Variants in ZFAT observed in about 807,000 individuals in gnomAD.
The protein encoded by ZFAT is zinc finger and AT-hook domain containing.
A neutral mutation model predicts 117.7 loss-of-function variants in ZFAT; 64 were observed. The observed-to-expected ratio is 0.54, with a 90% CI of 0.44 to 0.67. ZFAT has a LOEUF of 0.67. Ranked by LOEUF, ZFAT falls within the 30% of genes least tolerant of loss-of-function variation. The probability of loss-of-function intolerance (pLI) is 0.00; values close to 1 mark genes in which losing one functional copy is unlikely to be tolerated. For synonymous variants in ZFAT, 679 were observed against 615.0 expected, an observed-to-expected ratio of 1.10 and a Z score of -1.54; for missense variants, 1,433 against 1,584.5, an observed-to-expected ratio of 0.90 and a Z score of 1.62.
the ZFAT span, among the ~76,000 whole-genome samples, chr8:134,746,742 C>G: frequency 6.6e-6 from 1 of 152,170 alleles, no homozygotes; most frequent in African/African-American, 2.4e-5. Flanking sequence ...AGCCAGATAT[C>G]AATCAAGTGT....
At chr8:134,648,240 GCCTACCCTTT>G (rs904582414) in intron 2 of ZFAT, among the ~76,000 whole-genome samples, 5 of 150,538 alleles carry the variant, frequency 3.3e-5, no homozygotes, top group African/African-American at 1.2e-4. Flanking sequence ...CAAATCAATA[GCCTACCCTTT>G]CCAACCTAAG....
At chr8:134,831,761 G>A in the ZFAT span, among the ~76,000 whole-genome samples, 10 of 151,112 alleles carry the variant, frequency 6.6e-5, no homozygotes, top group South Asian at 2.1e-3. Flanking sequence ...GGGCCGCACC[G>A]CAGCGCCCAC....
the ZFAT span, among the ~76,000 whole-genome samples, chr8:134,789,223 A>C: frequency 2.0e-5 from 3 of 152,212 alleles, no homozygotes; most frequent in African/African-American, 7.2e-5. Context: ...AGTCTAAAAA[A>C]AGTAATCTTA....
intron 11 of ZFAT, among the ~76,000 whole-genome samples, chr8:134,555,053 AT>A (rs1663450755): frequency 6.6e-6 from 1 of 152,212 alleles, no homozygotes; most frequent in South Asian, 2.1e-4. Flanking sequence ...CATGGCTACA[AT>A]TTATTATAGT....
chr8:134,504,572 T>C (rs1389389977), intron 15 of ZFAT, among the ~76,000 whole-genome samples: 2 of 152,174 alleles, frequency 1.3e-5, no homozygotes, highest in African/African-American at 2.4e-5. Context: ...GAATGCTCAG[T>C]GCAGGTTCAC....
chr8:134,710,074 A>C (rs1394725428), intron 1 of ZFAT, among the ~76,000 whole-genome samples: 9 of 152,260 alleles, frequency 5.9e-5, no homozygotes, highest in Non-Finnish European at 2.9e-5. Flanking sequence ...AAATTGAAGG[A>C]AACTTCAACA....
intron 9 of ZFAT, 23 bp from the exon 10 acceptor site, chr8:134,584,028 A>C: frequency 3.2e-6 from 5 of 1,547,324 alleles, no homozygotes; most frequent in Non-Finnish European, 4.4e-6. Context: ...AAATGTATAT[A>C]TCTCTATATA....
chr8:134,674,817 G>A, intron 1 of ZFAT: 1 of 293,438 alleles, frequency 3.4e-6, no homozygotes. Flanking sequence ...AATCTTTGTT[G>A]TTCTGCAGCC....
At chr8:134,787,741 A>G in the ZFAT span, among the ~76,000 whole-genome samples, 2 of 152,186 alleles carry the variant, frequency 1.3e-5, no homozygotes, top group African/African-American at 4.8e-5. Context: ...TATTGAAGTT[A>G]CAGATTAATT....
At chr8:134,588,519 C>T in intron 8 of ZFAT, 124 bp from the exon 9 acceptor site, 1 of 1,072,706 alleles carries the variant, frequency 9.3e-7, no homozygotes, top group Non-Finnish European at 1.3e-6. Flanking sequence ...TGTCCAGAGA[C>T]AGGATTTTCA....
At chr8:134,689,848 A>C (rs1337331958) in intron 1 of ZFAT, among the ~76,000 whole-genome samples, 1 of 152,254 alleles carries the variant, frequency 6.6e-6, no homozygotes, top group Non-Finnish European at 1.5e-5. Context: ...AAGAGGCTGG[A>C]TGCTTTGTCC....
the ZFAT span, among the ~76,000 whole-genome samples, chr8:134,827,725 G>A: frequency 7.4e-5 from 11 of 147,654 alleles, no homozygotes; most frequent in Non-Finnish European, 1.3e-4. Flanking sequence ...CCAAAATCGC[G>A]CCACTGCACT....
At position 134,678,253 on chromosome 8, in the gene ZFAT, G is replaced by A. The variant is rs568397277; in HGVS notation, c.20-20516C>T. Among the ~76,000 whole-genome samples the A allele has an allele frequency of 2.7e-3, 407 of 152,272 alleles. 3 individuals carry two copies. Among genetic ancestry groups the A allele is most frequent in the African/African-American group, 9.5e-3 (394 of 41,542 alleles). On this transcript the variant is annotated intron_variant, in intron 1 of 15. Coordinates refer to ENST00000377838, the MANE Select transcript of ZFAT (RefSeq NM_020863.4). ...GATAAGCAACTTCAGCAAAGTCTCA[G>A]GATATAAAATCAACGTGCAAAAATC...
At chr8:134,710,673 G>A (rs1813959656) in intron 1 of ZFAT, among the ~76,000 whole-genome samples, 1 of 152,152 alleles carries the variant, frequency 6.6e-6, no homozygotes, top group South Asian at 2.1e-4. Context: ...TGGGACCCAA[G>A]TCTAAACATG....
chr8:134,784,955 A>G, the ZFAT span: 1 of 152,234 alleles, frequency 6.6e-6, no homozygotes, highest in Admixed American at 6.5e-5. Flanking sequence ...ACAAGCTTTA[A>G]GTGTTCTGAC....
intron 3 of ZFAT, among the ~76,000 whole-genome samples, chr8:134,612,511 G>C (rs936649664): frequency 2.0e-5 from 3 of 152,192 alleles, no homozygotes; most frequent in African/African-American, 7.2e-5. Flanking sequence ...TCACTCAAGA[G>C]GCAAGAAAAA....
intron 4 of ZFAT, among the ~76,000 whole-genome samples, chr8:134,609,862 C>G (rs9324428): frequency 0.065 from 9,864 of 152,004 alleles, 1,098 homozygotes; most frequent in African/African-American, 0.22. Flanking sequence ...TCTAAAAATA[C>G]AAAAAAAGAT....
At chr8:134,502,097 GC>G (rs1819030613) in intron 15 of ZFAT, among the ~76,000 whole-genome samples, 1 of 152,190 alleles carries the variant, frequency 6.6e-6, no homozygotes, top group Non-Finnish European at 1.5e-5. Flanking sequence ...AGATTTTGAA[GC>G]CTCATAGAGT....
In ZFAT at chr8:134,572,511, G is replaced by A. The variant is rs934007929; in HGVS notation, c.2888-7090C>T. Among the ~76,000 whole-genome samples, 7 of 152,106 alleles carry A rather than the reference G, an allele frequency of 4.6e-5. No individual in the cohort carries two copies. The East Asian group carries it at 5.8e-4, about 13-fold the overall frequency. ...AAAGTTCACTGTCTTTTAAAAAACAGCCCCCCAGCCTTGACTGGCTACGCA... is the reference window on the plus strand; with the variant it reads ...AAAGTTCACTGTCTTTTAAAAAACAACCCCCCAGCCTTGACTGGCTACGCA... On this transcript the variant is annotated intron_variant, in intron 10 of 15. Coordinates refer to ENST00000377838, the MANE Select transcript of ZFAT (RefSeq NM_020863.4).
Sources: allele counts gnomAD v4.1 joint callset (sites outside exome capture counted in the v4.1 genomes callset), GRCh38; gene constraint gnomAD v4.1.1; transcripts MANE v1.5; gene names NCBI Gene and HGNC (gene_info 2026-07-23, HGNC 2026-07-21).